ADAMTS17: variants seen among roughly 807,000 people sequenced by gnomAD.
The protein encoded by ADAMTS17 is ADAM metallopeptidase with thrombospondin type 1 motif 17.
Under a neutral mutation model 141.5 loss-of-function variants are expected in ADAMTS17, and 113 were observed. That is an observed-to-expected ratio of 0.80 (90% CI 0.69 to 0.93). The LOEUF is 0.93. ADAMTS17 is among the 40% of genes least tolerant of loss of function. ADAMTS17 has a pLI of 0.00. For missense variants in ADAMTS17, 1,659 were observed against 1,517.9 expected (o/e 1.09, Z -1.54); for synonymous variants, 768 against 630.6 (o/e 1.22, Z -3.27).
intron 4 of ADAMTS17, among the ~76,000 whole-genome samples, chr15:100,274,585 A>G (rs1454026430): frequency 1.3e-5 from 2 of 152,182 alleles, no homozygotes. Context: ...TAGACCGCAT[A>G]TAGTTGGATC....
chr15:100,163,200 C>T (rs904631097), intron 8 of ADAMTS17, among the ~76,000 whole-genome samples: 1 of 151,986 alleles, frequency 6.6e-6, no homozygotes, highest in Non-Finnish European at 1.5e-5. Flanking sequence ...ATCAAGTAGG[C>T]TTTTAACTTT....
chr15:99,979,446 G>T (rs566810517), intron 20 of ADAMTS17: 7 of 152,152 alleles, frequency 4.6e-5, no homozygotes, highest in Admixed American at 3.9e-4. Context: ...CCCAGAAACT[G>T]AGAGTCCACA....
intron 18 of ADAMTS17, among the ~76,000 whole-genome samples, chr15:100,025,613 C>T (rs2061498504): frequency 6.6e-6 from 1 of 152,000 alleles, no homozygotes; most frequent in Admixed American, 6.6e-5. Flanking sequence ...AGGGTTTCAC[C>T]ACATTGGCCA....
At chr15:99,977,375 T>C (rs1188217676) in intron 20 of ADAMTS17, among the ~76,000 whole-genome samples, 4 of 19,756 alleles carry the variant, frequency 2.0e-4, no homozygotes, top group African/African-American at 9.9e-4. Flanking sequence ...TATATATATA[T>C]ATATATATAT....
chr15:100,054,055 C>T lies in ADAMTS17; in HGVS notation c.2138-1G>A. 1 of 1,614,124 alleles carries T rather than the reference C, an allele frequency of 6.2e-7. No homozygotes were observed. Reference sequence around the variant, plus strand: ...GACCCCTTACCCGAGTCTTTGAGAGCTAGAAAGCAAGTTGAAGACCAAAGA... The same window carrying T: ...GACCCCTTACCCGAGTCTTTGAGAGTTAGAAAGCAAGTTGAAGACCAAAGA... On this transcript the variant is annotated splice_acceptor_variant, in intron 15 of 21. Transcript: ENST00000268070. LOFTEE classifies it high-confidence loss of function.
At chr15:99,999,352 A>G (rs932006098) in intron 18 of ADAMTS17, among the ~76,000 whole-genome samples, 2 of 152,212 alleles carry the variant, frequency 1.3e-5, no homozygotes, top group South Asian at 4.1e-4. Flanking sequence ...TGAGCAGAAC[A>G]GGGAGTGGGT....
chr15:100,052,235 C>CAG (rs59848334), intron 16 of ADAMTS17, among the ~76,000 whole-genome samples: 58,727 of 151,896 alleles, frequency 0.39, 13,450 homozygotes, highest in African/African-American at 0.63. Flanking sequence ...TCAGTTGGTC[C>CAG]AGAGTCAGGA....
At chr15:99,980,454 C>G (rs1344053048) in intron 20 of ADAMTS17, 1 of 152,282 alleles carries the variant, frequency 6.6e-6, no homozygotes, top group African/African-American at 2.4e-5. Flanking sequence ...AAAACATGTA[C>G]CCAGGAGGGA....
At chr15:100,322,450 AATT>A (rs1256107308) in intron 3 of ADAMTS17, among the ~76,000 whole-genome samples, 1 of 152,212 alleles carries the variant, frequency 6.6e-6, no homozygotes, top group East Asian at 1.9e-4. Flanking sequence ...AGTCCAACAA[AATT>A]AATTGCCAGC....
At chr15:100,199,839 A>G in intron 7 of ADAMTS17, among the ~76,000 whole-genome samples, 1 of 152,162 alleles carries the variant, frequency 6.6e-6, no homozygotes, top group East Asian at 1.9e-4. Flanking sequence ...GCCAGGTAAG[A>G]CACCGAGGGT....
intron 2 of ADAMTS17, among the ~76,000 whole-genome samples, chr15:100,333,728 G>A (rs115280159): frequency 2.1e-3 from 317 of 152,330 alleles, no homozygotes; most frequent in African/African-American, 7.2e-3. Flanking sequence ...CACCATCTAT[G>A]CGGGGAAGGG....
chr15:100,051,855 G>A (rs1220783160), intron 16 of ADAMTS17, 124 bp from the exon 17 acceptor site: 1 of 1,265,002 alleles, frequency 7.9e-7, no homozygotes, highest in South Asian at 1.2e-5. Context: ...TCTTTTCTGG[G>A]GCTGAAAACA....
At chr15:100,067,443 G>C (rs1454846304) in intron 15 of ADAMTS17, among the ~76,000 whole-genome samples, 1 of 152,218 alleles carries the variant, frequency 6.6e-6, no homozygotes, top group Non-Finnish European at 1.5e-5. Context: ...CGGATAACAG[G>C]GAAATACCAG....
intron 15 of ADAMTS17, among the ~76,000 whole-genome samples, chr15:100,061,808 C>G (rs1280112808): frequency 3.9e-5 from 6 of 152,162 alleles, no homozygotes; most frequent in Non-Finnish European, 8.8e-5. Flanking sequence ...AAACTGAGTA[C>G]CTCTTGGAAT....
At chr15:100,278,896 C>T (rs958213064) in intron 4 of ADAMTS17, among the ~76,000 whole-genome samples, 12 of 152,158 alleles carry the variant, frequency 7.9e-5, no homozygotes, top group African/African-American at 2.9e-4. Context: ...GTCCCTGAGC[C>T]TCCCTGCTCT....
chr15:100,103,219 A>C (rs1428189374), intron 14 of ADAMTS17, among the ~76,000 whole-genome samples: 1 of 152,200 alleles, frequency 6.6e-6, no homozygotes, highest in East Asian at 1.9e-4. Flanking sequence ...AGGCACTGCT[A>C]TCCATAAAGG....
At chr15:100,231,865 T>C (rs1379474329) in intron 7 of ADAMTS17, among the ~76,000 whole-genome samples, 1 of 152,230 alleles carries the variant, frequency 6.6e-6, no homozygotes, top group Non-Finnish European at 1.5e-5. Flanking sequence ...AAGCGAATAA[T>C]GTGTAGTAAT....
At position 100,158,848 on chromosome 15, in the gene ADAMTS17, G is replaced by A. The variant is rs2039559637; in HGVS notation, c.1182-3528C>T. On this transcript the variant is annotated intron_variant, in intron 8 of 21. Transcript: ENST00000268070. The stretch of plus-strand genomic sequence containing the variant: ...GTTTCTCTAAAGAAGACATACAAAT[G>A]GCCAGCAGGCACGTGAAAAGATGCC... Among the ~76,000 whole-genome samples, 2 of 152,106 alleles carry A rather than the reference G, an allele frequency of 1.3e-5. 1 individual carries two copies. The highest frequency in any genetic ancestry group is 4.1e-4 in the South Asian group (2 of 4,822).
chr15:100,267,123 C>T lies in ADAMTS17; in HGVS notation c.790-4688G>A, dbSNP rs148026336. On this transcript the variant is annotated intron_variant, in intron 4 of 21. Transcript: ENST00000268070. Reference sequence around the variant, plus strand: ...CAGGACTCTTTTCATCCTCCAATACCGAAGCTCTATACTCATGAAACACTA... The same window carrying T: ...CAGGACTCTTTTCATCCTCCAATACTGAAGCTCTATACTCATGAAACACTA... Among the ~76,000 whole-genome samples the T allele has an allele frequency of 1.4e-3, 215 of 152,214 alleles. 1 individual carries two copies. Among genetic ancestry groups the T allele is most frequent in the African/African-American group, 4.9e-3 (204 of 41,532 alleles).
Sources: allele counts gnomAD v4.1 joint callset (sites outside exome capture counted in the v4.1 genomes callset), GRCh38; gene constraint gnomAD v4.1.1; transcripts MANE v1.5; gene names NCBI Gene and HGNC (gene_info 2026-07-23, HGNC 2026-07-21).